The following PLCXD3 variants were observed in gnomAD, a reference collection of about 807,000 sequenced individuals.
PLCXD3 encodes PI-PLC X domain-containing protein 3.
Under a neutral mutation model 25.5 loss-of-function variants are expected in PLCXD3, and 19 were observed. The ratio of observed to expected loss-of-function variants is 0.75; its 90% CI spans 0.52 to 1.09. The LOEUF (loss-of-function observed/expected upper bound fraction) is 1.09. Among genes scored for constraint, PLCXD3 ranks in the 50% least tolerant of loss-of-function variants. The pLI is 0.00. For synonymous variants in PLCXD3, 174 were observed against 137.6 expected (o/e 1.26, Z -1.85); for missense variants, 411 against 388.1 (o/e 1.06, Z -0.50).
At chr5:41,487,965 G>A (rs1183628011) in intron 1 of PLCXD3, among the ~76,000 whole-genome samples, 1 of 151,506 alleles carries the variant, frequency 6.6e-6, no homozygotes, top group Non-Finnish European at 1.5e-5. Context: ...TGTGCACAAT[G>A]TGCAGGTTAG....
intron 1 of PLCXD3, among the ~76,000 whole-genome samples, chr5:41,465,973 A>T (rs1037094272): frequency 6.6e-6 from 1 of 152,086 alleles, no homozygotes; most frequent in African/African-American, 2.4e-5. Flanking sequence ...TAATTACGTC[A>T]TTTTTACCTT....
intron 2 of PLCXD3, 91 bp downstream of exon 2, chr5:41,381,735 A>T (rs966230611): frequency 3.2e-5 from 38 of 1,202,180 alleles, no homozygotes; most frequent in Non-Finnish European, 4.2e-5. Flanking sequence ...CCTAATATAC[A>T]TAGGTATAAT....
chr5:41,466,396 AGTTT>A (rs1192087856), intron 1 of PLCXD3, among the ~76,000 whole-genome samples: 2 of 152,006 alleles, frequency 1.3e-5, no homozygotes, highest in Non-Finnish European at 2.9e-5. Flanking sequence ...TTCTTTTCTT[AGTTT>A]ATTTAAAAAA....
At position 41,510,568 on chromosome 5, in the gene PLCXD3, G is replaced by A; in HGVS notation, c.-42C>T. ...CAGCGCGCTGGTCCCAGCACTCCTC[G>A]GGCAGGCTGGCAGGCTGCTGCCGCT... On this transcript the variant is annotated 5_prime_UTR_variant, in exon 1 of 3. Coordinates refer to ENST00000377801, the MANE Select transcript of PLCXD3 (RefSeq NM_001005473.3). The A allele has an allele frequency of 6.6e-7, 1 of 1,526,606 alleles. No homozygotes were observed. Among genetic ancestry groups the A allele is most frequent in the African/African-American group, 1.4e-5 (1 of 72,870 alleles). The allele number at this position is 1,526,606 out of a possible 1,614,324, so 94.6% of individuals were successfully genotyped here. A position where few individuals can be genotyped will look rare whatever the true frequency, so the allele number is the denominator to read the frequency against.
chr5:41,473,371 T>G (rs1271474025), intron 1 of PLCXD3, among the ~76,000 whole-genome samples: 1 of 152,162 alleles, frequency 6.6e-6, no homozygotes, highest in African/African-American at 2.4e-5. Context: ...TTGGTGCCAA[T>G]TCTGAGAAAT....
intron 2 of PLCXD3, among the ~76,000 whole-genome samples, chr5:41,374,099 A>T (rs1745207315): frequency 1.3e-5 from 2 of 152,062 alleles, no homozygotes; most frequent in South Asian, 4.1e-4. Context: ...ACCAATAAAT[A>T]TTGGGGTTTA....
intron 1 of PLCXD3, among the ~76,000 whole-genome samples, chr5:41,444,282 AT>A (rs1373180459): frequency 3.9e-5 from 6 of 152,202 alleles, no homozygotes; most frequent in Non-Finnish European, 8.8e-5. Flanking sequence ...GAGGGTTAAT[AT>A]TATCATCAAT....
rs193294125 is a variant in PLCXD3 at position 41,478,172 on chromosome 5, A to G, written c.103+32252T>C. On this transcript the variant is annotated intron_variant, in intron 1 of 2. Transcript: ENST00000377801. ...AAGATGCAATGTTGGTTTAAAGATG[A>G]TGGTATCTGTTACCAAAGCGCTGGG... 1.4e-4 allele frequency among the ~76,000 whole-genome samples: 22 copies of G among 152,298 alleles called. No homozygotes were observed. In the East Asian group the frequency reaches 3.9e-3, roughly 27 times the overall value.
intron 1 of PLCXD3, among the ~76,000 whole-genome samples, chr5:41,452,144 A>C (rs1357007168): frequency 6.6e-6 from 1 of 152,032 alleles, no homozygotes; most frequent in African/African-American, 2.4e-5. Flanking sequence ...CTTCTTTGCT[A>C]TCCTCACCTT....
At chr5:41,451,134 T>G (rs1747620382) in intron 1 of PLCXD3, among the ~76,000 whole-genome samples, 1 of 152,092 alleles carries the variant, frequency 6.6e-6, no homozygotes, top group Non-Finnish European at 1.5e-5. Context: ...GAACAATTTT[T>G]ACTCTAGAGT....
rs950454830 is a variant in PLCXD3, at chr5:41,353,591, G to C, written c.812+28235C>G. On this transcript the variant is annotated intron_variant, in intron 2 of 2. Transcript: ENST00000377801. ...TACTATATGCCAGGAATTGTTCTAG[G>C]CTCTGGAGACACAAGAGTGAGCAAA... Among the ~76,000 whole-genome samples the C allele has an allele frequency of 3.3e-5, 5 of 152,216 alleles. No homozygotes were observed. In the East Asian group the frequency reaches 5.8e-4, roughly 18 times the overall value.
intron 1 of PLCXD3, among the ~76,000 whole-genome samples, chr5:41,401,735 A>G (rs143757982): frequency 1.2e-3 from 180 of 152,176 alleles, no homozygotes; most frequent in African/African-American, 4.0e-3. Flanking sequence ...TGTTGAAGCC[A>G]TCTAGTCTTG....
chr5:41,354,071 G>T (rs916164065), intron 2 of PLCXD3, among the ~76,000 whole-genome samples: 2 of 151,760 alleles, frequency 1.3e-5, no homozygotes, highest in Non-Finnish European at 2.9e-5. Flanking sequence ...CAGCTTTTTT[G>T]CAACCACTTT....
At chr5:41,453,760 T>C (rs906898541) in intron 1 of PLCXD3, among the ~76,000 whole-genome samples, 5 of 151,952 alleles carry the variant, frequency 3.3e-5, no homozygotes, top group Non-Finnish European at 5.9e-5. Context: ...CAATGCTTGG[T>C]CAGGATAATA....
chr5:41,505,119 AAGTC>A (rs1481518198), intron 1 of PLCXD3, among the ~76,000 whole-genome samples: 1 of 152,130 alleles, frequency 6.6e-6, no homozygotes, highest in Non-Finnish European at 1.5e-5. Flanking sequence ...AATAAACTCT[AAGTC>A]AGGGTATAAT....
chr5:41,407,235 G>T (rs1163278636), intron 1 of PLCXD3, among the ~76,000 whole-genome samples: 1 of 152,074 alleles, frequency 6.6e-6, no homozygotes, highest in Non-Finnish European at 1.5e-5. Context: ...GTTCATTCCT[G>T]ATAGTACTTA....
At chr5:41,472,859 A>G (rs542487993) in intron 1 of PLCXD3, among the ~76,000 whole-genome samples, 3 of 152,328 alleles carry the variant, frequency 2.0e-5, no homozygotes, top group Admixed American at 6.5e-5. Flanking sequence ...TATAGCTCCA[A>G]TGTAAAAAAG....
At chr5:41,361,483 G>T (rs1347782469) in intron 2 of PLCXD3, among the ~76,000 whole-genome samples, 1 of 152,198 alleles carries the variant, frequency 6.6e-6, no homozygotes, top group Non-Finnish European at 1.5e-5. Context: ...CATGATGTGA[G>T]TCTCCACATG....
intron 1 of PLCXD3, among the ~76,000 whole-genome samples, chr5:41,494,081 T>C (rs962779835): frequency 6.6e-5 from 10 of 152,148 alleles, no homozygotes; most frequent in African/African-American, 2.4e-4. Flanking sequence ...CCATCTTGGC[T>C]CCCTCCCGGG....
Sources: gnomAD v4.1 joint callset for allele counts (sites outside exome capture counted in the v4.1 genomes callset) on GRCh38, gnomAD v4.1.1 for gene constraint, MANE v1.5 for transcripts, NCBI Gene and HGNC (gene_info 2026-07-23, HGNC 2026-07-21) for gene names.